The following GCNT4 variants were observed in gnomAD, a reference collection of about 807,000 sequenced individuals.
The protein encoded by GCNT4 is beta-1,3-galactosyl-O-glycosyl-glycoprotein beta-1,6-N-acetylglucosaminyltransferase 4.
In GCNT4, 17 loss-of-function variants were observed where a neutral mutation model predicts 31.3. The ratio of observed to expected loss-of-function variants is 0.54; its 90% CI spans 0.37 to 0.81. GCNT4 has a LOEUF of 0.81. Ranked by LOEUF, GCNT4 falls within the 40% of genes least tolerant of loss-of-function variation. GCNT4 has a pLI of 0.00. For synonymous variants in GCNT4, 158 were observed against 190.6 expected (o/e 0.83, Z 1.41); for missense variants, 503 against 525.5 (o/e 0.96, Z 0.42).
chr5:75,035,128 C>A (rs546437586), intron 3 of GCNT4, among the ~76,000 whole-genome samples: 1 of 142,372 alleles, frequency 7.0e-6, no homozygotes, highest in Non-Finnish European at 1.6e-5. Context: ...TAAGCGGACA[C>A]GACTGCATTC....
At chr5:75,042,968 C>T (rs562611613) in intron 3 of GCNT4, among the ~76,000 whole-genome samples, 1 of 152,034 alleles carries the variant, frequency 6.6e-6, no homozygotes, top group Non-Finnish European at 1.5e-5. Flanking sequence ...GGGAAAATTC[C>T]GCCACAATAG....
chr5:75,042,297 C>G (rs2149970243), intron 3 of GCNT4, among the ~76,000 whole-genome samples: 1 of 152,236 alleles, frequency 6.6e-6, no homozygotes, highest in East Asian at 1.9e-4. Flanking sequence ...AATTGAAAAA[C>G]ATGTCTATTT....
At chr5:75,033,652 C>T (rs1457852486) in intron 3 of GCNT4, among the ~76,000 whole-genome samples, 1 of 146,184 alleles carries the variant, frequency 6.8e-6, no homozygotes, top group Non-Finnish European at 1.5e-5. Flanking sequence ...GCCAGAAATC[C>T]CTTTATTTAT....
intron 3 of GCNT4, among the ~76,000 whole-genome samples, chr5:75,039,390 G>A (rs564983170): frequency 2.0e-5 from 3 of 152,046 alleles, no homozygotes; most frequent in Admixed American, 6.5e-5. Context: ...CACTGCACCC[G>A]GCCTCTTATT....
At chr5:75,031,964 A>T (rs1012302383) in intron 3 of GCNT4, among the ~76,000 whole-genome samples, 5 of 152,184 alleles carry the variant, frequency 3.3e-5, no homozygotes, top group Non-Finnish European at 7.3e-5. Context: ...CATTGTATCC[A>T]ATTTCATTCA....
chr5:75,033,527 A>C (rs1561374444), intron 3 of GCNT4, among the ~76,000 whole-genome samples: 1 of 152,162 alleles, frequency 6.6e-6, no homozygotes, highest in Non-Finnish European at 1.5e-5. Context: ...GGCATCTTTA[A>C]GGGGGAGAGT....
intron 3 of GCNT4, chr5:75,030,886 G>C (rs890628254): frequency 3.0e-5 from 5 of 167,078 alleles, no homozygotes; most frequent in Admixed American, 2.6e-4. Flanking sequence ...AAACATCCTT[G>C]AACAGTGCAT....
rs755846519 is a variant in GCNT4 at position 75,030,022 on chromosome 5, A to T, written c.16T>A (p.Cys6Ser). Residue 6 changes from cysteine to serine, a missense_variant, in exon 4 of 4, where the codon TGT (cysteine) becomes AGT (serine). By Grantham distance (112) the Cys-to-Ser change is moderately radical. Coordinates refer to ENST00000652361, the MANE Select transcript of GCNT4 (RefSeq NM_001366737.1). MKIFKCYFKHTLQQKV... is the reference protein window; with the variant it reads MKIFKSYFKHTLQQKV... ...TGCTGTAGGGTATGTTTAAAATAACATTTGAATATCTTCATTCTGTAAGAG... is the reference window on the plus strand; with the variant it reads ...TGCTGTAGGGTATGTTTAAAATAACTTTTGAATATCTTCATTCTGTAAGAG... 2 of 1,595,460 alleles carry T rather than the reference A, an allele frequency of 1.3e-6. No individual in the cohort carries two copies. Among genetic ancestry groups the T allele is most frequent in the South Asian group, 2.3e-5 (2 of 87,336 alleles).
At position 75,026,105 on chromosome 5, in the gene GCNT4, G is replaced by A. The variant is rs912260889; in HGVS notation, c.*2571C>T. 1 of 152,186 alleles carries A rather than the reference G, an allele frequency of 6.6e-6. No individual in the cohort carries two copies. Among genetic ancestry groups the A allele is most frequent in the Non-Finnish European group, 1.5e-5 (1 of 68,024 alleles). 9.4% of individuals were successfully genotyped at this position (152,186 alleles called of 1,614,324 possible). ...ACTGAGTCCAGAGAAATGTGTGAATGTCTCGAAGGCACTTTCTCCGCTTCA... is the reference window on the plus strand; with the variant it reads ...ACTGAGTCCAGAGAAATGTGTGAATATCTCGAAGGCACTTTCTCCGCTTCA... On this transcript the variant is annotated 3_prime_UTR_variant, in exon 4 of 4. Coordinates refer to ENST00000652361, the MANE Select transcript of GCNT4 (RefSeq NM_001366737.1).
At chr5:75,049,851 A>T (rs893026365) in intron 2 of GCNT4, among the ~76,000 whole-genome samples, 2 of 152,236 alleles carry the variant, frequency 1.3e-5, no homozygotes, top group African/African-American at 4.8e-5. Context: ...GGGCTTGGAC[A>T]GGTTCTCAAC....
intron 2 of GCNT4, among the ~76,000 whole-genome samples, chr5:75,049,477 A>G (rs1743518115): frequency 6.6e-6 from 1 of 152,234 alleles, no homozygotes; most frequent in Admixed American, 6.5e-5. Context: ...TTAGGATGGA[A>G]ACGGCTGCAT....
intron 3 of GCNT4, among the ~76,000 whole-genome samples, chr5:75,031,171 C>T (rs1041911962): frequency 1.1e-4 from 17 of 151,812 alleles, no homozygotes; most frequent in Non-Finnish European, 2.2e-4. Flanking sequence ...AACTCCTGGG[C>T]TCAAGCGATC....
downstream of GCNT4, chr5:75,025,302 G>T (rs1319622691): frequency 6.6e-6 from 1 of 152,216 alleles, no homozygotes; most frequent in Non-Finnish European, 1.5e-5. Context: ...TCTTTGTGGG[G>T]AATCAGCAAA....
intron 3 of GCNT4, among the ~76,000 whole-genome samples, chr5:75,032,167 C>T (rs1344533980): frequency 6.6e-6 from 1 of 152,158 alleles, no homozygotes; most frequent in African/African-American, 2.4e-5. Flanking sequence ...AGCCACATCT[C>T]GTCTCTCCTC....
At chr5:75,046,028 A>ATGAT (rs937356922) in intron 3 of GCNT4, among the ~76,000 whole-genome samples, 1 of 152,220 alleles carries the variant, frequency 6.6e-6, no homozygotes, top group Non-Finnish European at 1.5e-5. Context: ...ATCAGTTGAA[A>ATGAT]TGATGTTCTT....
intron 3 of GCNT4, among the ~76,000 whole-genome samples, chr5:75,032,854 T>C (rs1421956299): frequency 6.9e-6 from 1 of 144,988 alleles, no homozygotes; most frequent in Non-Finnish European, 1.5e-5. Context: ...AGTAGAAGAC[T>C]AATCAATCCC....
intron 3 of GCNT4, among the ~76,000 whole-genome samples, chr5:75,035,390 G>A (rs1163753324): frequency 6.6e-6 from 1 of 152,236 alleles, no homozygotes; most frequent in African/African-American, 2.4e-5. Flanking sequence ...TGAGTTTAGG[G>A]ACCAAGAATG....
At chr5:75,035,682 C>A (rs1743180430) in intron 3 of GCNT4, among the ~76,000 whole-genome samples, 1 of 152,216 alleles carries the variant, frequency 6.6e-6, no homozygotes, top group African/African-American at 2.4e-5. Flanking sequence ...CCAGCTACCC[C>A]AACGCTGGCG....
downstream of GCNT4, among the ~76,000 whole-genome samples, chr5:75,022,123 A>T (rs1271517679): frequency 1.3e-5 from 2 of 152,180 alleles, no homozygotes; most frequent in African/African-American, 4.8e-5. Context: ...AATTACACAT[A>T]CGTCTGAACT....
Sources: allele counts gnomAD v4.1 joint callset (sites outside exome capture counted in the v4.1 genomes callset), GRCh38; gene constraint gnomAD v4.1.1; transcripts MANE v1.5; gene names NCBI Gene and HGNC (gene_info 2026-07-23, HGNC 2026-07-21).